The following VSIG8 variants were observed in gnomAD, a reference collection of about 807,000 sequenced individuals.
VSIG8 encodes V-set and immunoglobulin domain containing 8, also known as V-set and immunoglobulin domain-containing protein 8.
VSIG8 carries 32 observed loss-of-function variants against 42.6 expected under a neutral mutation model. The ratio of observed to expected loss-of-function variants is 0.75; its 90% CI spans 0.57 to 1.01. The LOEUF is 1.01. Ranked by LOEUF, VSIG8 falls within the 50% of genes least tolerant of loss-of-function variation. The pLI is 0.00. For synonymous variants in VSIG8, 290 were observed against 243.8 expected, an observed-to-expected ratio of 1.19 and a Z score of -1.77; for missense variants, 529 against 558.0, an observed-to-expected ratio of 0.95 and a Z score of 0.52.
At chr1:159,855,173 T>G in intron 6 of VSIG8, 147 bp from the exon 7 acceptor site, 1 of 1,551,694 alleles carries the variant, frequency 6.4e-7, no homozygotes, top group Non-Finnish European at 8.7e-7. Flanking sequence ...GGCCTCGACC[T>G]ACTGTCCTTT....
intron 6 of VSIG8, 57 bp downstream of exon 6, chr1:159,855,826 T>C: frequency 6.7e-7 from 1 of 1,486,968 alleles, no homozygotes; most frequent in Non-Finnish European, 8.9e-7. Context: ...AGGAGTGAGG[T>C]GGGCAGGGCG....
chr1:159,855,032 G>T lies in VSIG8; in HGVS notation c.972-6C>A, dbSNP rs1648765065. On this transcript the variant is annotated splice_polypyrimidine_tract_variant and splice_region_variant and intron_variant, in intron 6 of 6. Coordinates refer to ENST00000368100, the MANE Select transcript of VSIG8 (RefSeq NM_001013661.1). ...CGGGCGCCACGGCGTCCTCTCTGTG[G>T]AAAACAACAGGCGGGCGGGTGAGCG... is the stretch of plus-strand genomic sequence containing the variant. 22 of 1,576,330 alleles carry T rather than the reference G, an allele frequency of 1.4e-5. No individual in the cohort carries two copies. The highest frequency in any genetic ancestry group is 1.9e-5 in the Non-Finnish European group (22 of 1,162,472).
chr1:159,855,004 A>C lies in VSIG8; in HGVS notation c.994T>G (p.Cys332Gly). 1 of 1,566,992 alleles carries C rather than the reference A, an allele frequency of 6.4e-7. No individual in the cohort carries two copies. The highest frequency in any genetic ancestry group is 8.6e-7 in the Non-Finnish European group (1 of 1,160,588). ...EIREDAVAPG[C>G]KASGRGSRVT... ...CGGCTGCCGCGCCCGCTGGCCTTGC[A>C]CCCGGGCGCCACGGCGTCCTCTCTG... is the stretch of plus-strand genomic sequence containing the variant. The change falls in exon 7 of 7, where the codon TGC (cysteine) becomes GGC (glycine). Residue 332 changes from cysteine (C) to glycine (G), a missense_variant. Cys to Gly is a radical substitution (Grantham distance 159). Coordinates refer to ENST00000368100, the MANE Select transcript of VSIG8 (RefSeq NM_001013661.1).
chr1:159,860,115 C>G (rs984853018), intron 1 of VSIG8, among the ~76,000 whole-genome samples: 2 of 152,188 alleles, frequency 1.3e-5, no homozygotes, highest in Non-Finnish European at 2.9e-5. Context: ...CTTCTGGAGT[C>G]ACAGCCCCAG....
intron 4 of VSIG8, among the ~76,000 whole-genome samples, chr1:159,857,434 G>A (rs1024021507): frequency 2.0e-5 from 3 of 152,086 alleles, no homozygotes; most frequent in Non-Finnish European, 2.9e-5. Context: ...AATTAGCCAG[G>A]TGCGGTGGTG....
chr1:159,854,902 C>A lies in VSIG8; in HGVS notation c.1096G>T (p.Gly366Cys). Reference protein sequence around the residue: ...LRRKYAPPPCGGPEDVALAPC... With the variant: ...LRRKYAPPPCCGPEDVALAPC... ...GCCAGGGCCACGTCCTCGGGGCCGC[C>A]GCAGGGGGGAGGCGCGTACTTGCGG... Residue 366 changes from glycine (G) to cysteine (C), a missense_variant, in exon 7 of 7, where the codon GGC (glycine) becomes TGC (cysteine). Transcript: ENST00000368100. 4 of 1,483,566 alleles carry A rather than the reference C, an allele frequency of 2.7e-6. No homozygotes were observed. Among genetic ancestry groups the A allele is most frequent in the Non-Finnish European group, 3.6e-6 (4 of 1,125,748 alleles). 91.9% of individuals were successfully genotyped at this position (1,483,566 alleles called of 1,614,324 possible). A position where few individuals can be genotyped will look rare whatever the true frequency, so the allele number is the denominator to read the frequency against.
chr1:159,855,389 A>C (rs1553218642), intron 6 of VSIG8: 2 of 1,426,530 alleles, frequency 1.4e-6, no homozygotes, highest in Non-Finnish European at 1.8e-6. Flanking sequence ...TGCTCGAGCA[A>C]TCTCTCTCTT....
rs376402680 is a variant in VSIG8, at chr1:159,857,932, G to T, written c.465C>A (p.Gly155=). ...RPAVPMCWTE[G]HMTYGNDVVL... is the part of the protein sequence containing the mutation. ...CCACATCGTTGCCATATGTCATGTGGCCCTCTGTCCAGCACATGGGCACTG... is the reference window on the plus strand; with the variant it reads ...CCACATCGTTGCCATATGTCATGTGTCCCTCTGTCCAGCACATGGGCACTG... Residue 155 remains glycine, a synonymous_variant, in exon 4 of 7, where the codon GGC becomes GGA. Coordinates refer to ENST00000368100, the MANE Select transcript of VSIG8 (RefSeq NM_001013661.1). 8 of 1,614,044 alleles carry T rather than the reference G, an allele frequency of 5.0e-6. No individual in the cohort carries two copies. In the African/African-American group the frequency reaches 9.3e-5, roughly 19 times the overall value.
At position 159,854,742 on chromosome 1, in the gene VSIG8, G is replaced by C. The variant is rs1490366937; in HGVS notation, c.*11C>G. 1.4e-6 allele frequency: 2 copies of C among 1,461,618 alleles called. No homozygotes were observed. The highest frequency in any genetic ancestry group is 1.8e-6 in the Non-Finnish European group (2 of 1,115,758). The allele number at this position is 1,461,618 out of a possible 1,614,324, so 90.5% of individuals were successfully genotyped here. A position where few individuals can be genotyped will look rare whatever the true frequency, so the allele number is the denominator to read the frequency against. Reference sequence around the variant, plus strand: ...TCCTGGCTGGGGCGCAGCCCGGCCCGGCGCGCGCGCTCACACCAAGAGGCC... The same window carrying C: ...TCCTGGCTGGGGCGCAGCCCGGCCCCGCGCGCGCGCTCACACCAAGAGGCC... On this transcript the variant is annotated 3_prime_UTR_variant, in exon 7 of 7. Transcript: ENST00000368100.
Position 159,857,882 on chromosome 1 carries a change from C to T in VSIG8, c.515G>A (p.Gly172Asp). Reference sequence around the variant, plus strand: ...CCACTTGTAGGAGAGGGGCTGGGAGCCCCCACTGGCATAGCACTTCAGCAC... The same window carrying T: ...CCACTTGTAGGAGAGGGGCTGGGAGTCCCCACTGGCATAGCACTTCAGCAC... The part of the protein sequence containing the change: ...DVVLKCYASG[G>D]SQPLSYKWAK... Residue 172 changes from glycine (G) to aspartate (D), a missense_variant, in exon 4 of 7, where the codon GGC (glycine) becomes GAC (aspartate). Gly to Asp is a moderately conservative substitution (Grantham distance 94). Transcript: ENST00000368100. 3 of 1,614,216 alleles carry T rather than the reference C, an allele frequency of 1.9e-6. No homozygotes were observed. The highest frequency in any genetic ancestry group is 2.5e-6 in the Non-Finnish European group (3 of 1,180,022).
Position 159,862,356 on chromosome 1 carries a change from G to T in VSIG8, c.49+117C>A, listed in dbSNP as rs528930922. 2.7e-6 allele frequency: 3 copies of T among 1,101,282 alleles called. No homozygotes were observed. The African/African-American group carries it at 4.7e-5, about 17-fold the overall frequency. 68.2% of individuals were successfully genotyped at this position (1,101,282 alleles called of 1,614,324 possible). A position where few individuals can be genotyped will look rare whatever the true frequency, so the allele number is the denominator to read the frequency against. On this transcript the variant is annotated intron_variant, in intron 1 of 6. Transcript: ENST00000368100. ...CACCCGGCTGCAGCAGGGCAAGGGT[G>T]GGCAGCACCCTGCCAGGCAACTCAG...
chr1:159,855,564 T>C, intron 6 of VSIG8: 1 of 985,210 alleles, frequency 1.0e-6, no homozygotes, highest in Non-Finnish European at 1.2e-6. Context: ...AATGTCAGAG[T>C]TCTTACCGGC....
chr1:159,855,286 C>T (rs764707076), intron 6 of VSIG8: 3 of 1,548,104 alleles, frequency 1.9e-6, no homozygotes, highest in Non-Finnish European at 2.6e-6. Context: ...CTGCAGGCAG[C>T]CCCCTCCAGG....
At position 159,854,520 on chromosome 1, in the gene VSIG8, G is replaced by A; in HGVS notation, c.*233C>T. The A allele has an allele frequency of 1.3e-6, 1 of 792,022 alleles. No homozygotes were observed. Among genetic ancestry groups the A allele is most frequent in the Non-Finnish European group, 1.8e-6 (1 of 565,024 alleles). 49.1% of individuals were successfully genotyped at this position (792,022 alleles called of 1,614,324 possible). On this transcript the variant is annotated 3_prime_UTR_variant, in exon 7 of 7. Transcript: ENST00000368100. ...CCTCTCCCCCAAGCCTTCGGTCCCG[G>A]GGGTGCGGAGAAGGCTCAGGATCGC...
intron 1 of VSIG8, chr1:159,861,458 CAG>C (rs1557905579): frequency 6.6e-6 from 1 of 152,032 alleles, no homozygotes; most frequent in African/African-American, 2.4e-5. Flanking sequence ...ACACACCACA[CAG>C]GGGGAAGTCC....
chr1:159,861,239 A>C (rs549777568), intron 1 of VSIG8: 1 of 152,206 alleles, frequency 6.6e-6, no homozygotes, highest in African/African-American at 2.4e-5. Flanking sequence ...TTTGCCCCCC[A>C]AAAGCACCAG....
intron 6 of VSIG8, 194 bp from the exon 7 acceptor site, chr1:159,855,220 C>T: frequency 6.4e-7 from 1 of 1,551,676 alleles, no homozygotes; most frequent in Non-Finnish European, 8.7e-7. Flanking sequence ...GCAGCGGTCC[C>T]GGAGCCAGCA....
intron 6 of VSIG8, 185 bp downstream of exon 6, chr1:159,855,698 G>T: frequency 8.5e-6 from 8 of 944,414 alleles, no homozygotes; most frequent in Non-Finnish European, 1.0e-5. Context: ...GAAGACTGGG[G>T]TGGCAGGGGG....
chr1:159,855,751 T>A, intron 6 of VSIG8, 132 bp downstream of exon 6: 1 of 1,329,394 alleles, frequency 7.5e-7, no homozygotes, highest in Non-Finnish European at 9.8e-7. Context: ...CATGCCGCAG[T>A]CCCAGCACTC....
Sources: allele counts gnomAD v4.1 joint callset (sites outside exome capture counted in the v4.1 genomes callset), GRCh38; gene constraint gnomAD v4.1.1; transcripts MANE v1.5; gene names NCBI Gene and HGNC (gene_info 2026-07-23, HGNC 2026-07-21).